Variants in PRH1 observed in about 807,000 individuals in gnomAD.
The protein encoded by PRH1 is salivary acidic proline-rich phosphoprotein 1/2.
PRH1 carries 7 observed loss-of-function variants against 7.9 expected under a neutral mutation model. That is an observed-to-expected ratio of 0.89 (90% CI 0.50 to 1.67). PRH1 has a LOEUF of 1.67. Among genes scored for constraint, PRH1 ranks in the 40% most tolerant of loss-of-function variants. The pLI is 0.00. For missense variants in PRH1, 109 were observed against 223.6 expected (o/e 0.49, Z 3.27); for synonymous variants, 45 against 80.8 (o/e 0.56, Z 2.38).
At chr12:11,036,944 A>G (rs1942453511) in intron 1 of PRH1, among the ~76,000 whole-genome samples, 1 of 152,246 alleles carries the variant, frequency 6.6e-6, no homozygotes, top group Non-Finnish European at 1.5e-5. Context: ...GAACACTACT[A>G]TTCTTCCTCA....
chr12:11,000,863 A>G (rs971767939), intron 1 of PRH1, among the ~76,000 whole-genome samples: 2 of 151,900 alleles, frequency 1.3e-5, no homozygotes, highest in African/African-American at 2.4e-5. Flanking sequence ...TTGATTATTT[A>G]TTTTTTGCTA....
upstream of PRH1, chr12:11,048,352 T>C (rs1942994114): frequency 3.5e-6 from 1 of 288,030 alleles, no homozygotes. Flanking sequence ...TTTCTGTCCT[T>C]TCACTCAGCA....
chr12:10,895,261 G>C (rs1949627801), intron 2 of PRH1: 1 of 152,164 alleles, frequency 6.6e-6, no homozygotes, highest in South Asian at 2.1e-4. Context: ...GCCTGGTGTG[G>C]CTCCATAAGG....
intron 1 of PRH1, among the ~76,000 whole-genome samples, chr12:11,122,329 G>A (rs1353128956): frequency 5.9e-5 from 9 of 152,218 alleles, no homozygotes; most frequent in East Asian, 5.8e-4. Flanking sequence ...GATGCAGTAC[G>A]TGGCCCATCT....
chr12:11,136,715 T>A (rs1369425441), intron 1 of PRH1, among the ~76,000 whole-genome samples: 1 of 152,186 alleles, frequency 6.6e-6, no homozygotes, highest in East Asian at 1.9e-4. Flanking sequence ...TTCTTGCATA[T>A]TCAACTTAAT....
intron 2 of PRH1, among the ~76,000 whole-genome samples, chr12:10,919,343 C>T (rs1370741756): frequency 6.6e-6 from 1 of 152,044 alleles, no homozygotes; most frequent in African/African-American, 2.4e-5. Flanking sequence ...TTATTCTATG[C>T]CACTCTTTAA....
intron 1 of PRH1, among the ~76,000 whole-genome samples, chr12:11,043,785 T>C (rs1942808621): frequency 6.6e-6 from 1 of 151,938 alleles, no homozygotes; most frequent in South Asian, 2.1e-4. Flanking sequence ...ATGCAAGAAA[T>C]TGAAAAGGAC....
At chr12:10,881,620 T>C (rs1286452103) in intron 3 of PRH1, among the ~76,000 whole-genome samples, 1 of 152,190 alleles carries the variant, frequency 6.6e-6, no homozygotes, top group African/African-American at 2.4e-5. Context: ...TAGCAATATA[T>C]ATTTCAAAAA....
chr12:11,147,170 A>G (rs1024699148), intron 1 of PRH1, among the ~76,000 whole-genome samples: 3 of 152,202 alleles, frequency 2.0e-5, no homozygotes, highest in Non-Finnish European at 4.4e-5. Flanking sequence ...TACTCAGTTT[A>G]TCTATGAACA....
At chr12:10,985,876 G>T in intron 1 of PRH1, 1 of 1,334,790 alleles carries the variant, frequency 7.5e-7, no homozygotes, top group South Asian at 1.5e-5. Flanking sequence ...AAATGTTCCA[G>T]ACACTATCAG....
intron 1 of PRH1, among the ~76,000 whole-genome samples, chr12:11,169,443 TA>T (rs1483115985): frequency 6.6e-6 from 1 of 152,170 alleles, no homozygotes; most frequent in Admixed American, 6.5e-5. Context: ...CCCATTGGAA[TA>T]GGCCCTCAAT....
intron 2 of PRH1, among the ~76,000 whole-genome samples, chr12:10,940,041 T>G (rs1343090698): frequency 6.6e-6 from 1 of 151,990 alleles, no homozygotes; most frequent in Non-Finnish European, 1.5e-5. Context: ...AATCAGATGG[T>G]TTTTTAAAGT....
At chr12:10,984,632 T>A (rs184912087) in intron 1 of PRH1, among the ~76,000 whole-genome samples, 11 of 152,194 alleles carry the variant, frequency 7.2e-5, no homozygotes, top group African/African-American at 2.6e-4. Flanking sequence ...AGATATATGA[T>A]AAACAAACAA....
rs1487400860 is a variant in PRH1 at position 10,986,095 on chromosome 12, G to A, written c.-125-12374C>T. ...CTAACCATGACAACCGGGTCATTCC[G>A]CAGCCTCCTAGGACTCCAAACCGAA... is the stretch of plus-strand genomic sequence containing the variant. On this transcript the variant is annotated intron_variant, in intron 1 of 3. Coordinates refer to the PRH1 transcript ENST00000539853. The A allele has an allele frequency of 5.0e-6, 8 of 1,613,948 alleles. No individual in the cohort carries two copies. Among genetic ancestry groups the A allele is most frequent in the Non-Finnish European group, 5.9e-6 (7 of 1,179,962 alleles).
chr12:10,986,781 A>G (rs1393851584), intron 1 of PRH1: 1 of 1,591,748 alleles, frequency 6.3e-7, no homozygotes, highest in East Asian at 2.2e-5. Context: ...TACCAGTGCT[A>G]TGAAGCCATT....
chr12:11,151,728 T>C (rs61928566), intron 1 of PRH1, among the ~76,000 whole-genome samples: 69,174 of 152,012 alleles, frequency 0.46, 16,542 homozygotes, highest in Non-Finnish European at 0.53. Context: ...GTTTAGGGGA[T>C]AAATTATATT....
chr12:11,044,617 G>T (rs1198570094), intron 1 of PRH1, among the ~76,000 whole-genome samples: 1 of 151,986 alleles, frequency 6.6e-6, no homozygotes, highest in Admixed American at 6.6e-5. Flanking sequence ...CTAACAATCT[G>T]ATCAAACAAT....
intron 1 of PRH1, chr12:11,061,945 A>T: frequency 1.2e-6 from 2 of 1,614,010 alleles, no homozygotes; most frequent in Non-Finnish European, 1.7e-6. Context: ...GTGAAGAAAA[A>T]TAAGGTTGGA....
At chr12:10,929,534 C>T (rs184850037) in intron 2 of PRH1, among the ~76,000 whole-genome samples, 252 of 152,184 alleles carry the variant, frequency 1.7e-3, no homozygotes, top group Non-Finnish European at 3.0e-3. Context: ...ACAAATAGAA[C>T]CCAATAAAGA....
Sources: allele counts gnomAD v4.1 joint callset (sites outside exome capture counted in the v4.1 genomes callset), GRCh38; gene constraint gnomAD v4.1.1; transcripts MANE v1.5; gene names NCBI Gene and HGNC (gene_info 2026-07-23, HGNC 2026-07-21).